The following NT5DC3 variants were observed in gnomAD, a reference collection of about 807,000 sequenced individuals.
The protein encoded by NT5DC3 is 5'-nucleotidase domain-containing protein 3.
In NT5DC3, 42 loss-of-function variants were observed where a neutral mutation model predicts 67.8. That is an observed-to-expected ratio of 0.62 (90% CI 0.48 to 0.80). NT5DC3 has a LOEUF of 0.80. Ranked by LOEUF, NT5DC3 falls within the 30% of genes least tolerant of loss-of-function variation. The probability of loss-of-function intolerance (pLI) is 0.00; values close to 1 mark genes in which losing one functional copy is unlikely to be tolerated. For missense variants in NT5DC3, 570 were observed against 696.4 expected, an observed-to-expected ratio of 0.82 and a Z score of 2.04; for synonymous variants, 237 against 255.6, an observed-to-expected ratio of 0.93 and a Z score of 0.69.
At chr12:103,791,856 CT>C (rs1886079933) in intron 9 of NT5DC3, among the ~76,000 whole-genome samples, 1 of 152,210 alleles carries the variant, frequency 6.6e-6, no homozygotes, top group Non-Finnish European at 1.5e-5. Context: ...TTATGAGAAT[CT>C]AATGCCTGAT....
At chr12:103,803,292 G>A (rs1350432035) in intron 4 of NT5DC3, among the ~76,000 whole-genome samples, 1 of 152,136 alleles carries the variant, frequency 6.6e-6, no homozygotes, top group African/African-American at 2.4e-5. Context: ...TAAAATATAA[G>A]TTAAAAGTAA....
downstream of NT5DC3, among the ~76,000 whole-genome samples, chr12:103,771,769 G>C (rs1246194512): frequency 6.6e-6 from 1 of 152,204 alleles, no homozygotes; most frequent in Non-Finnish European, 1.5e-5. Context: ...CAAGCCCAAA[G>C]TTCTGGAAGC....
Position 103,816,947 on chromosome 12 carries a change from T to C in NT5DC3, c.209-1826A>G, listed in dbSNP as rs1028495599. On this transcript the variant is annotated intron_variant, in intron 1 of 13. Transcript: ENST00000392876. ...ATAAAAGAAGTCTGAAGATAACATC[T>C]TGGCAGTCTTTTCTTTTTTCTTTTT... is the stretch of plus-strand genomic sequence containing the variant. Among the ~76,000 whole-genome samples the C allele has an allele frequency of 2.0e-5, 3 of 148,698 alleles. 1 individual carries two copies. Among genetic ancestry groups the C allele is most frequent in the Non-Finnish European group, 4.4e-5 (3 of 67,558 alleles).
At chr12:103,763,343 T>G in the NT5DC3 span, 3 of 658,974 alleles carry the variant, frequency 4.6e-6, no homozygotes, top group South Asian at 1.8e-5. Flanking sequence ...TTGGTAAATT[T>G]TATTATATGT....
chr12:103,799,358 C>A (rs1477272032), intron 4 of NT5DC3, among the ~76,000 whole-genome samples: 1 of 152,180 alleles, frequency 6.6e-6, no homozygotes, highest in Non-Finnish European at 1.5e-5. Context: ...TGGGAGAACA[C>A]TGAATCACCG....
At chr12:103,782,962 G>A (rs1456137891) in intron 12 of NT5DC3, among the ~76,000 whole-genome samples, 1 of 152,086 alleles carries the variant, frequency 6.6e-6, no homozygotes, top group Non-Finnish European at 1.5e-5. Context: ...CTCCAGCCTG[G>A]GCGACAGAGC....
At chr12:103,803,104 G>T (rs1051526125) in intron 4 of NT5DC3, among the ~76,000 whole-genome samples, 4 of 152,092 alleles carry the variant, frequency 2.6e-5, no homozygotes, top group Admixed American at 6.6e-5. Flanking sequence ...ACCTGGTGAG[G>T]ATTCTCATAA....
At chr12:103,786,912 A>G (rs1397308925) in intron 11 of NT5DC3, among the ~76,000 whole-genome samples, 1 of 152,068 alleles carries the variant, frequency 6.6e-6, no homozygotes, top group African/African-American at 2.4e-5. Flanking sequence ...CAAACTCCTG[A>G]GCTTAAGTAA....
chr12:103,771,940 A>G (rs1411112872), downstream of NT5DC3, among the ~76,000 whole-genome samples: 3 of 152,170 alleles, frequency 2.0e-5, no homozygotes, highest in Non-Finnish European at 4.4e-5. Flanking sequence ...TGAGTCCACC[A>G]ACACCCACCA....
chr12:103,786,681 A>ATTTTTTT lies in NT5DC3; in HGVS notation c.1188+753_1188+759dup, dbSNP rs3036176. Among the ~76,000 whole-genome samples, 637 of 132,286 alleles carry ATTTTTTT rather than the reference A, an allele frequency of 4.8e-3. 37 individuals carry two copies. The highest frequency in any genetic ancestry group is 0.012 in the African/African-American group (415 of 35,606). The allele number at this position is 132,286 out of a possible 152,430, so 86.8% of individuals were successfully genotyped here. On this transcript the variant is annotated intron_variant, in intron 11 of 13. Transcript: ENST00000392876. Reference sequence around the variant, plus strand: ...GATGCCCACCTTCCTCACTGGTTTGATTTTTTTTTTTTTTTTTTTGAGGCA... The same window carrying ATTTTTTT: ...GATGCCCACCTTCCTCACTGGTTTGATTTTTTTTTTTTTTTTTTTTTTTTTTGAGGCA...
At chr12:103,748,584 CCACACACACACACACACACATA>C in the NT5DC3 span, among the ~76,000 whole-genome samples, 591 of 141,946 alleles carry the variant, frequency 4.2e-3, 19 homozygotes, top group East Asian at 0.057. Flanking sequence ...TAACTCTACA[CCACACACACACACACACACATA>C]CACACACACA....
the NT5DC3 span, among the ~76,000 whole-genome samples, chr12:103,756,075 G>A: frequency 1.3e-4 from 19 of 147,538 alleles, no homozygotes; most frequent in Non-Finnish European, 2.3e-4. Context: ...CTGTTTGTAT[G>A]TGGAACAGTT....
downstream of NT5DC3, chr12:103,766,232 A>G (rs1482618853): frequency 1.2e-6 from 2 of 1,610,888 alleles, no homozygotes; most frequent in Middle Eastern, 1.7e-4. Context: ...GAAAGATTCA[A>G]CTAGGACTCA....
chr12:103,749,841 CAAAAAAAAAAAAAA>C, the NT5DC3 span, among the ~76,000 whole-genome samples: 303 of 51,154 alleles, frequency 5.9e-3, 1 homozygote, highest in African/African-American at 0.02. Flanking sequence ...CTCTGTCTCA[CAAAAAAAAAAAAAA>C]AAAAAAAAAA....
rs772096993 is a variant in NT5DC3 at position 103,785,638 on chromosome 12, T to C, written c.1189-163A>G. The C allele has an allele frequency of 6.4e-6, 5 of 776,924 alleles. No homozygotes were observed. The African/African-American group carries it at 6.9e-5, about 11-fold the overall frequency. 48.1% of individuals were successfully genotyped at this position (776,924 alleles called of 1,614,324 possible). A position where few individuals can be genotyped will look rare whatever the true frequency, so the allele number is the denominator to read the frequency against. On this transcript the variant is annotated intron_variant, in intron 11 of 13. Coordinates refer to ENST00000392876, the MANE Select transcript of NT5DC3 (RefSeq NM_001031701.3). ...TGAATTACATTTAATTAAAACCTAT[T>C]TGGCCCCAGCCTTTGATCATTTCAT... is the stretch of plus-strand genomic sequence containing the variant.
Position 103,776,141 on chromosome 12 carries a change from C to T in NT5DC3, c.*1688G>A, listed in dbSNP as rs1336148223. 6.6e-6 allele frequency: 1 copy of T among 152,128 alleles called. No homozygotes were observed. Among genetic ancestry groups the T allele is most frequent in the African/African-American group, 2.4e-5 (1 of 41,424 alleles). The allele number at this position is 152,128 out of a possible 1,614,324, so 9.4% of individuals were successfully genotyped here. On this transcript the variant is annotated 3_prime_UTR_variant, in exon 14 of 14. Transcript: ENST00000392876. ...CTAATAACAGCAGACATTCCCATAG[C>T]ACTCAGAGAGTGCAGTAAATATGCA...
chr12:103,785,308 T>C, intron 12 of NT5DC3, 27 bp downstream of exon 12: 1 of 1,610,504 alleles, frequency 6.2e-7, no homozygotes, highest in Non-Finnish European at 8.5e-7. Flanking sequence ...AAAGAAAAAG[T>C]GAGAGAGAAA....
chr12:103,803,799 G>A (rs1254433151), intron 4 of NT5DC3, among the ~76,000 whole-genome samples: 3 of 151,696 alleles, frequency 2.0e-5, no homozygotes, highest in Non-Finnish European at 4.4e-5. Context: ...ACAGCAAGAT[G>A]TGATCTTGCT....
intron 1 of NT5DC3, among the ~76,000 whole-genome samples, chr12:103,816,048 T>C (rs1157451592): frequency 2.0e-5 from 3 of 152,206 alleles, no homozygotes; most frequent in African/African-American, 4.8e-5. Context: ...CAGGTTTGCA[T>C]TGAGCTCACT....
Sources: allele counts gnomAD v4.1 joint callset (sites outside exome capture counted in the v4.1 genomes callset), GRCh38; gene constraint gnomAD v4.1.1; transcripts MANE v1.5; gene names NCBI Gene and HGNC (gene_info 2026-07-23, HGNC 2026-07-21).